Variants in ACACB observed in about 807,000 individuals in gnomAD.
ACACB encodes the protein acetyl-CoA carboxylase beta, also known as acetyl-CoA carboxylase 2.
Under a neutral mutation model 278.8 loss-of-function variants are expected in ACACB, and 209 were observed. The ratio of observed to expected loss-of-function variants is 0.75; its 90% CI spans 0.67 to 0.84. ACACB has a LOEUF of 0.84. Ranked by LOEUF, ACACB falls within the 40% of genes least tolerant of loss-of-function variation. ACACB has a pLI of 0.00. For synonymous variants in ACACB, 1,174 were observed against 1,285.6 expected, an observed-to-expected ratio of 0.91 and a Z score of 1.86; for missense variants, 2,850 against 3,269.0, an observed-to-expected ratio of 0.87 and a Z score of 3.13.
intron 13 of ACACB, among the ~76,000 whole-genome samples, chr12:109,188,502 C>T (rs1435022898): frequency 6.7e-6 from 1 of 148,908 alleles, no homozygotes; most frequent in Non-Finnish European, 1.5e-5. Context: ...TTTCCTCCCC[C>T]TCCCTTTCTT....
chr12:109,243,222 A>G (rs1203277617), intron 37 of ACACB, among the ~76,000 whole-genome samples: 1 of 152,206 alleles, frequency 6.6e-6, no homozygotes, highest in African/African-American at 2.4e-5. Context: ...CCTGCTACTT[A>G]CCAGGCACCA....
chr12:109,124,539 A>G (rs1407000862), intron 1 of ACACB, among the ~76,000 whole-genome samples: 1 of 152,212 alleles, frequency 6.6e-6, no homozygotes, highest in Non-Finnish European at 1.5e-5. Context: ...AGTTTAGGGT[A>G]TCAGTCTGAC....
At chr12:109,154,294 GA>G (rs1197177056) in intron 2 of ACACB, among the ~76,000 whole-genome samples, 2 of 152,246 alleles carry the variant, frequency 1.3e-5, no homozygotes, top group East Asian at 3.8e-4. Flanking sequence ...GAGGTGAAAA[GA>G]TGAGAGAAAC....
At chr12:109,134,700 C>T (rs1215381603) in intron 1 of ACACB, among the ~76,000 whole-genome samples, 1 of 152,182 alleles carries the variant, frequency 6.6e-6, no homozygotes, top group Non-Finnish European at 1.5e-5. Context: ...AAGGCAAGGA[C>T]TAGGCAGAGG....
Position 109,232,800 on chromosome 12 carries a change from TCAC to T in ACACB, c.4136_4138del (p.Thr1379del). ...GTAGCCTTCAGGAGATTCGAGGACT[TCAC>T]CAGGTACCCAGCATGGCCCGGTCTC... On this transcript the variant is annotated inframe_deletion, in exon 29 of 53. Coordinates refer to ENST00000338432, the MANE Select transcript of ACACB (RefSeq NM_001093.4). 2 of 1,614,100 alleles carry T rather than the reference TCAC, an allele frequency of 1.2e-6. No individual in the cohort carries two copies. The highest frequency in any genetic ancestry group is 1.7e-6 in the Non-Finnish European group (2 of 1,180,016).
intron 52 of ACACB, 84 bp from the exon 53 acceptor site, chr12:109,266,152 G>A (rs1043539926): frequency 7.3e-6 from 11 of 1,516,516 alleles, no homozygotes; most frequent in Admixed American, 1.9e-5. Flanking sequence ...CTGGGGTGTG[G>A]CCCCACACAA....
chr12:109,228,874 G>A (rs985708541), intron 28 of ACACB, among the ~76,000 whole-genome samples: 12 of 152,110 alleles, frequency 7.9e-5, no homozygotes, highest in East Asian at 5.8e-4. Context: ...AAGTGATCCC[G>A]GAGATGATCA....
At chr12:109,254,434 G>C (rs2047174215) in intron 44 of ACACB, 100 bp downstream of exon 44, 7 of 1,198,186 alleles carry the variant, frequency 5.8e-6, no homozygotes, top group Non-Finnish European at 8.0e-6. Flanking sequence ...ACAAAGGCTT[G>C]ATATTCGTTC....
intron 15 of ACACB, 147 bp from the exon 16 acceptor site, chr12:109,193,501 A>T (rs2044970566): frequency 3.1e-6 from 2 of 642,370 alleles, no homozygotes; most frequent in Non-Finnish European, 5.6e-6. Context: ...TACAGGCGTG[A>T]GCCATTGCGC....
At chr12:109,221,578 C>T (rs2046161015) in intron 24 of ACACB, among the ~76,000 whole-genome samples, 1 of 152,192 alleles carries the variant, frequency 6.6e-6, no homozygotes, top group Non-Finnish European at 1.5e-5. Flanking sequence ...CAAGATTCAA[C>T]CCCACGTCCC....
At chr12:109,147,284 G>A (rs2043265621) in intron 2 of ACACB, among the ~76,000 whole-genome samples, 2 of 151,758 alleles carry the variant, frequency 1.3e-5, no homozygotes, top group Admixed American at 6.6e-5. Flanking sequence ...AGGCTGGAGT[G>A]CTGTGGTGTG....
intron 16 of ACACB, among the ~76,000 whole-genome samples, chr12:109,196,756 C>T (rs1261358360): frequency 6.6e-6 from 1 of 152,190 alleles, no homozygotes; most frequent in African/African-American, 2.4e-5. Context: ...GCCAACACGG[C>T]TTGACAGGGA....
chr12:109,163,232 C>A (rs2043792596), intron 2 of ACACB, among the ~76,000 whole-genome samples: 1 of 152,046 alleles, frequency 6.6e-6, no homozygotes, highest in African/African-American at 2.4e-5. Context: ...GCCCTGAGGT[C>A]CAGTTTCTCA....
At chr12:109,174,887 T>A (rs1023904619) in intron 7 of ACACB, among the ~76,000 whole-genome samples, 2 of 152,068 alleles carry the variant, frequency 1.3e-5, no homozygotes, top group African/African-American at 4.8e-5. Flanking sequence ...ACAACCCATC[T>A]TACATTTCCT....
At chr12:109,241,414 C>A in intron 36 of ACACB, 133 bp downstream of exon 36, 1 of 878,948 alleles carries the variant, frequency 1.1e-6, no homozygotes, top group Non-Finnish European at 1.8e-6. Flanking sequence ...GTTGGGGTAG[C>A]CCCCTCTGAG....
At chr12:109,136,871 AC>A (rs766206931) in intron 1 of ACACB, among the ~76,000 whole-genome samples, 5 of 152,190 alleles carry the variant, frequency 3.3e-5, no homozygotes, top group Non-Finnish European at 7.3e-5. Flanking sequence ...TTTGTCTAGA[AC>A]TTCCAGTACA....
intron 1 of ACACB, among the ~76,000 whole-genome samples, chr12:109,125,891 T>G (rs2042668238): frequency 6.6e-6 from 1 of 152,112 alleles, no homozygotes; most frequent in African/African-American, 2.4e-5. Context: ...TACATTTTGG[T>G]GCAAAACCTG....
chr12:109,180,056 C>T lies in ACACB; in HGVS notation c.1787C>T (p.Ala596Val). The change falls in exon 11 of 53, where the codon GCT (alanine) becomes GTT (valine). Residue 596 changes from alanine to valine, a missense_variant. Around this residue, in one of 3 missense-constraint regions of ACACB, gnomAD observed 2,265 missense variants for 2,561.3 expected, o/e 0.88. Coordinates refer to ENST00000338432, the MANE Select transcript of ACACB (RefSeq NM_001093.4). ...GAACATCCCTGCACAGAAATGATTG[C>T]TGATGTTAATCTGCCGGCCGCCCAG... ...QVEHPCTEMIADVNLPAAQLQ... is the reference protein window; with the variant it reads ...QVEHPCTEMIVDVNLPAAQLQ... 1.2e-6 allele frequency: 2 copies of T among 1,612,590 alleles called. No individual in the cohort carries two copies. Among genetic ancestry groups the T allele is most frequent in the Non-Finnish European group, 1.7e-6 (2 of 1,179,822 alleles).
At chr12:109,163,649 G>C (rs904534285) in intron 2 of ACACB, among the ~76,000 whole-genome samples, 9 of 152,094 alleles carry the variant, frequency 5.9e-5, no homozygotes, top group Non-Finnish European at 8.8e-5. Context: ...TTTGTTTCTT[G>C]TTGTTGTTGT....
Sources: gnomAD v4.1 joint callset for allele counts (sites outside exome capture counted in the v4.1 genomes callset) on GRCh38, gnomAD v4.1.1 for gene constraint, gnomAD v4.1.1 regional missense constraint, MANE v1.5 for transcripts, NCBI Gene and HGNC (gene_info 2026-07-23, HGNC 2026-07-21) for gene names.